Variants in ENTREP1 observed in about 807,000 individuals in gnomAD.
The protein encoded by ENTREP1 is Friedreich ataxia region gene X123.
the ENTREP1 span, chr9:69,371,199 G>C: frequency 2.4e-5 from 9 of 373,024 alleles, no homozygotes; most frequent in Non-Finnish European, 4.5e-5. Flanking sequence ...GGCTCAAGGA[G>C]GAAATAGCTA....
chr9:69,377,693 C>G, the ENTREP1 span: 4 of 1,613,990 alleles, frequency 2.5e-6, no homozygotes, highest in African/African-American at 2.7e-5. Context: ...CCTGTGCCTC[C>G]CCCTTCCTAT....
the ENTREP1 span, among the ~76,000 whole-genome samples, chr9:69,341,138 A>G: frequency 6.6e-6 from 1 of 152,138 alleles, no homozygotes; most frequent in African/African-American, 2.4e-5. Context: ...AGCTAGCTCT[A>G]TGCCTGTATT....
At chr9:69,349,662 G>T in the ENTREP1 span, among the ~76,000 whole-genome samples, 1 of 152,136 alleles carries the variant, frequency 6.6e-6, no homozygotes, top group Non-Finnish European at 1.5e-5. Flanking sequence ...TACAATGTGG[G>T]TTATGTCCAG....
chr9:69,388,036 C>T, the ENTREP1 span: 33 of 1,582,124 alleles, frequency 2.1e-5, no homozygotes, highest in Middle Eastern at 3.3e-4. Flanking sequence ...GCAGGATGTG[C>T]ATGGCTATCA....
chr9:69,387,026 T>C, the ENTREP1 span: 2 of 152,258 alleles, frequency 1.3e-5, no homozygotes, highest in African/African-American at 4.8e-5. Flanking sequence ...TAGGGAAATC[T>C]TTCCAGAACC....
chr9:69,366,638 CTA>C, the ENTREP1 span, among the ~76,000 whole-genome samples: 2 of 151,912 alleles, frequency 1.3e-5, no homozygotes, highest in Non-Finnish European at 2.9e-5. Flanking sequence ...AGTATTTTCT[CTA>C]TGTTTTCTTC....
the ENTREP1 span, among the ~76,000 whole-genome samples, chr9:69,346,144 G>A: frequency 6.0e-5 from 9 of 151,210 alleles, 1 homozygote; most frequent in Non-Finnish European, 7.4e-5. Context: ...CACCATGCCC[G>A]GCTAATTTAT....
the ENTREP1 span, among the ~76,000 whole-genome samples, chr9:69,358,665 A>G: frequency 5.3e-5 from 8 of 152,332 alleles, no homozygotes; most frequent in South Asian, 1.7e-3. Context: ...CTTTTGAAGT[A>G]AAAGTTCCTG....
At chr9:69,379,116 C>T in the ENTREP1 span, among the ~76,000 whole-genome samples, 540 of 152,198 alleles carry the variant, frequency 3.5e-3, 2 homozygotes, top group African/African-American at 0.012. Context: ...ATTCAGAGGG[C>T]CAGAAATTTC....
At chr9:69,371,657 G>T in the ENTREP1 span, 3 of 1,260,724 alleles carry the variant, frequency 2.4e-6, no homozygotes, top group Non-Finnish European at 3.5e-6. Flanking sequence ...ACCCTGGCTT[G>T]TCAGGTGTTC....
chr9:69,325,787 C>CT, the ENTREP1 span: 353 of 1,212,718 alleles, frequency 2.9e-4, 1 homozygote, highest in African/African-American at 5.0e-3. Context: ...CTGGTCGTTC[C>CT]TCTCCATTGC....
chr9:69,387,648 G>A, the ENTREP1 span: 7 of 293,322 alleles, frequency 2.4e-5, no homozygotes, highest in Admixed American at 9.6e-5. Flanking sequence ...GATAACACAA[G>A]TCAGTACAAC....
chr9:69,388,127 A>G, the ENTREP1 span: 7 of 1,613,852 alleles, frequency 4.3e-6, no homozygotes, highest in African/African-American at 6.7e-5. Context: ...GGGTTGGCCA[A>G]TGGGTACATG....
chr9:69,367,384 C>T, the ENTREP1 span, among the ~76,000 whole-genome samples: 10 of 150,748 alleles, frequency 6.6e-5, no homozygotes, highest in Non-Finnish European at 1.3e-4. Flanking sequence ...TTTTCTATTT[C>T]TGTGAAAAAT....
the ENTREP1 span, chr9:69,336,318 A>G: frequency 8.4e-7 from 1 of 1,191,712 alleles, no homozygotes; most frequent in South Asian, 1.3e-5. Context: ...TGTGCTATGT[A>G]TGAAGTCTGT....
chr9:69,361,629 CA>C, the ENTREP1 span, among the ~76,000 whole-genome samples: 4 of 152,146 alleles, frequency 2.6e-5, no homozygotes, highest in Non-Finnish European at 5.9e-5. Context: ...ATGCAAAGGT[CA>C]TAGAGTGGTA....
the ENTREP1 span, among the ~76,000 whole-genome samples, chr9:69,367,876 T>C: frequency 8.8e-4 from 124 of 140,496 alleles, 2 homozygotes; most frequent in African/African-American, 2.9e-3. Flanking sequence ...TATATAAATA[T>C]ATATATACAC....
chr9:69,340,329 A>G, the ENTREP1 span, among the ~76,000 whole-genome samples: 1 of 152,064 alleles, frequency 6.6e-6, no homozygotes, highest in Non-Finnish European at 1.5e-5. Context: ...AACCATTTAC[A>G]TTTGGGCTTC....
At chr9:69,334,559 A>G in the ENTREP1 span, among the ~76,000 whole-genome samples, 1 of 152,238 alleles carries the variant, frequency 6.6e-6, no homozygotes, top group South Asian at 2.1e-4. Flanking sequence ...TTGAACAAGT[A>G]TAATGTGCTT....
Sources: allele counts gnomAD v4.1 joint callset (sites outside exome capture counted in the v4.1 genomes callset), GRCh38; gene constraint gnomAD v4.1.1; transcripts MANE v1.5; gene names NCBI Gene and HGNC (gene_info 2026-07-23, HGNC 2026-07-21).